The following MBTD1 variants were observed in gnomAD, a reference collection of about 807,000 sequenced individuals.
MBTD1 encodes the protein mbt domain containing 1, also known as MBT domain-containing protein 1.
MBTD1 carries 24 observed loss-of-function variants against 87.8 expected under a neutral mutation model. That is an observed-to-expected ratio of 0.27 (90% confidence interval 0.20 to 0.38). The LOEUF is 0.38. Among genes scored for constraint, MBTD1 ranks in the 10% least tolerant of loss-of-function variants. The probability of loss-of-function intolerance (pLI) is 1.00; values close to 1 mark genes in which losing one functional copy is unlikely to be tolerated. For missense variants in MBTD1, 436 were observed against 760.2 expected (o/e 0.57, Z 5.02); for synonymous variants, 237 against 248.6 (o/e 0.95, Z 0.44).
chr17:51,188,928 T>G (rs1019512259), intron 16 of MBTD1, among the ~76,000 whole-genome samples: 2 of 152,048 alleles, frequency 1.3e-5, no homozygotes, highest in Admixed American at 1.3e-4. Flanking sequence ...CTGGCTAATT[T>G]TGCATTTTTA....
At position 51,179,194 on chromosome 17, in the gene MBTD1, T is replaced by A. The variant is rs968243781; in HGVS notation, c.*1382A>T. ...TATATTCCAGAGGAGATGGTCAATA[T>A]TACCACTCTGAAGAGGCCAGGCTAA... On this transcript the variant is annotated 3_prime_UTR_variant, in exon 17 of 17. Coordinates refer to ENST00000586178, the MANE Select transcript of MBTD1 (RefSeq NM_017643.3). 6.6e-6 allele frequency: 1 copy of A among 151,882 alleles called. No individual in the cohort carries two copies. The highest frequency in any genetic ancestry group is 2.4e-5 in the African/African-American group (1 of 41,380). The allele number at this position is 151,882 out of a possible 1,614,324, so 9.4% of individuals were successfully genotyped here.
intron 2 of MBTD1, among the ~76,000 whole-genome samples, chr17:51,236,076 T>C (rs2053815436): frequency 1.3e-5 from 2 of 152,128 alleles, no homozygotes; most frequent in African/African-American, 4.8e-5. Flanking sequence ...TAGATACATA[T>C]AGAGTGTATA....
intron 2 of MBTD1, among the ~76,000 whole-genome samples, chr17:51,231,248 C>G (rs1386160725): frequency 6.6e-6 from 1 of 152,084 alleles, no homozygotes; most frequent in Non-Finnish European, 1.5e-5. Context: ...CCTTTTATAT[C>G]TATAGTTTTC....
At chr17:51,187,097 G>A (rs899151370) in intron 16 of MBTD1, among the ~76,000 whole-genome samples, 2 of 151,980 alleles carry the variant, frequency 1.3e-5, no homozygotes, top group Non-Finnish European at 2.9e-5. Context: ...CTTATTGCCT[G>A]TAAATTCTTA....
chr17:51,193,164 CAT>C (rs199971481), intron 14 of MBTD1, 148 bp from the exon 15 acceptor site: 7,337 of 651,798 alleles, frequency 0.011, 58 homozygotes, highest in Non-Finnish European at 0.013. Flanking sequence ...ACTATTTAAA[CAT>C]AGTACGAAGG....
chr17:51,232,135 A>T (rs2053583465), intron 2 of MBTD1, among the ~76,000 whole-genome samples: 5 of 152,144 alleles, frequency 3.3e-5, no homozygotes, highest in Admixed American at 3.3e-4. Context: ...TTGTAATCAC[A>T]GGCCTGACCT....
intron 5 of MBTD1, among the ~76,000 whole-genome samples, chr17:51,218,650 A>G (rs1469534541): frequency 6.6e-6 from 1 of 152,038 alleles, no homozygotes; most frequent in African/African-American, 2.4e-5. Context: ...TCTTTGCCTA[A>G]TATCTTCACA....
chr17:51,242,734 A>G (rs1173921846), intron 2 of MBTD1, among the ~76,000 whole-genome samples: 2 of 152,160 alleles, frequency 1.3e-5, no homozygotes, highest in African/African-American at 2.4e-5. Flanking sequence ...CGGGTAACCA[A>G]CTTTATCACT....
chr17:51,188,355 A>C (rs1246267929), intron 16 of MBTD1, among the ~76,000 whole-genome samples: 1 of 152,210 alleles, frequency 6.6e-6, no homozygotes, highest in Non-Finnish European at 1.5e-5. Context: ...CATGAACACA[A>C]CTTACTACAA....
intron 2 of MBTD1, among the ~76,000 whole-genome samples, chr17:51,255,866 G>A (rs2055059383): frequency 6.6e-6 from 1 of 152,158 alleles, no homozygotes; most frequent in Middle Eastern, 3.4e-3. Context: ...TCAAAGTATT[G>A]GGATTACAGG....
chr17:51,204,039 G>T (rs1270472156), intron 7 of MBTD1, 114 bp from the exon 8 acceptor site: 1 of 816,150 alleles, frequency 1.2e-6, no homozygotes, highest in Non-Finnish European at 1.9e-6. Flanking sequence ...TCACCTGCAG[G>T]GTTTGTTAAC....
At chr17:51,219,786 A>G (rs2052779662) in intron 4 of MBTD1, among the ~76,000 whole-genome samples, 1 of 152,234 alleles carries the variant, frequency 6.6e-6, no homozygotes, top group Admixed American at 6.5e-5. Context: ...CAAATGGTCA[A>G]GTCTCCAGTC....
chr17:51,216,934 CT>C (rs1372389254), intron 6 of MBTD1, among the ~76,000 whole-genome samples: 24 of 152,138 alleles, frequency 1.6e-4, no homozygotes, highest in African/African-American at 5.5e-4. Flanking sequence ...GGTATGGTGG[CT>C]CATACCTGTA....
In MBTD1 at chr17:51,193,506, G is replaced by A; in HGVS notation, c.1377C>T (p.Tyr459=). 1.2e-6 allele frequency: 2 copies of A among 1,603,802 alleles called. No individual in the cohort carries two copies. The highest frequency in any genetic ancestry group is 1.7e-6 in the Non-Finnish European group (2 of 1,172,350). Residue 459 remains tyrosine, a synonymous_variant, in exon 14 of 17, where the codon TAC becomes TAT. Transcript: ENST00000586178. ...NMIELTPPRG[Y]TKLPFKWFDY... ...CAAACCATTTAAAAGGAAGTTTTGT[G>A]TAACCTAAAAAACACAACTGGTTTA...
At chr17:51,216,371 T>G (rs1399896370) in intron 6 of MBTD1, among the ~76,000 whole-genome samples, 1 of 152,190 alleles carries the variant, frequency 6.6e-6, no homozygotes, top group Non-Finnish European at 1.5e-5. Flanking sequence ...AAACAAGTAT[T>G]GGACAGAATT....
intron 1 of MBTD1, among the ~76,000 whole-genome samples, chr17:51,259,630 T>TC (rs909644849): frequency 7.3e-6 from 1 of 136,134 alleles, no homozygotes; most frequent in Non-Finnish European, 1.6e-5. Context: ...CCCCAACGAG[T>TC]CCAAGGCTGA....
chr17:51,255,924 T>C (rs151003406), intron 2 of MBTD1, among the ~76,000 whole-genome samples: 1 of 152,276 alleles, frequency 6.6e-6, no homozygotes, highest in East Asian at 1.9e-4. Context: ...TATTGAACGA[T>C]ATATACAAAT....
chr17:51,204,404 A>G (rs2051683800), intron 7 of MBTD1, among the ~76,000 whole-genome samples: 1 of 137,596 alleles, frequency 7.3e-6, no homozygotes, highest in African/African-American at 2.7e-5. Flanking sequence ...TTATAGGCAT[A>G]TATATGTAAT....
intron 12 of MBTD1, among the ~76,000 whole-genome samples, chr17:51,196,070 G>T (rs2051084752): frequency 6.6e-6 from 1 of 151,956 alleles, no homozygotes; most frequent in South Asian, 2.1e-4. Flanking sequence ...ATCACACTCG[G>T]CTAATTGTTT....
Sources: gnomAD v4.1 joint callset for allele counts (sites outside exome capture counted in the v4.1 genomes callset) on GRCh38, gnomAD v4.1.1 for gene constraint, MANE v1.5 for transcripts, NCBI Gene and HGNC (gene_info 2026-07-23, HGNC 2026-07-21) for gene names.